The following NDUFS4 variants were observed in gnomAD, a reference collection of about 807,000 sequenced individuals.
NDUFS4 encodes the protein NADH:ubiquinone oxidoreductase subunit S4, also known as NADH dehydrogenase [ubiquinone] iron-sulfur protein 4, mitochondrial.
Under a neutral mutation model 24.3 loss-of-function variants are expected in NDUFS4, and 28 were observed. That is an observed-to-expected ratio of 1.15 (90% confidence interval 0.85 to 1.58). The LOEUF is 1.58. Ranked by LOEUF, NDUFS4 falls within the 40% of genes most tolerant of loss-of-function variation. The probability of loss-of-function intolerance (pLI) is 0.00; values close to 1 mark genes in which losing one functional copy is unlikely to be tolerated. For synonymous variants in NDUFS4, 93 were observed against 69.7 expected (o/e 1.34, Z -1.67); for missense variants, 223 against 207.9 (o/e 1.07, Z -0.45).
chr5:53,586,342 AAAAC>A (rs1293934746), intron 1 of NDUFS4, among the ~76,000 whole-genome samples: 6 of 151,804 alleles, frequency 4.0e-5, no homozygotes, highest in East Asian at 3.9e-4. Context: ...AAAAAAAAAA[AAAAC>A]AAACCAAAAC....
intron 1 of NDUFS4, among the ~76,000 whole-genome samples, chr5:53,596,773 A>G (rs1475658041): frequency 2.0e-5 from 3 of 152,212 alleles, no homozygotes; most frequent in Non-Finnish European, 2.9e-5. Flanking sequence ...TTAATTTGTA[A>G]TAAATTGACA....
At chr5:53,634,258 T>A (rs1394878759) in intron 2 of NDUFS4, among the ~76,000 whole-genome samples, 1 of 152,200 alleles carries the variant, frequency 6.6e-6, no homozygotes, top group Non-Finnish European at 1.5e-5. Context: ...TCATGAATAT[T>A]TCATTATTAA....
At chr5:53,665,826 C>T (rs1431051794) in intron 4 of NDUFS4, among the ~76,000 whole-genome samples, 2 of 152,214 alleles carry the variant, frequency 1.3e-5, no homozygotes, top group Admixed American at 6.5e-5. Context: ...GTGCTCCACC[C>T]ACTGTCCTGC....
chr5:53,665,996 A>G (rs188805994), intron 4 of NDUFS4, among the ~76,000 whole-genome samples: 1 of 152,228 alleles, frequency 6.6e-6, no homozygotes. Flanking sequence ...ACCTTTAAAA[A>G]CTTTTTAAAA....
chr5:53,674,403 G>A (rs1740389062), intron 4 of NDUFS4, among the ~76,000 whole-genome samples: 1 of 152,136 alleles, frequency 6.6e-6, no homozygotes, highest in South Asian at 2.1e-4. Context: ...ACAAGGGTGG[G>A]AGGAGGTCAG....
chr5:53,601,160 C>T (rs1024390736), intron 1 of NDUFS4, among the ~76,000 whole-genome samples: 1 of 151,976 alleles, frequency 6.6e-6, no homozygotes, highest in Non-Finnish European at 1.5e-5. Flanking sequence ...CCCGCTGCTA[C>T]GCCCGGCTAA....
intron 1 of NDUFS4, among the ~76,000 whole-genome samples, chr5:53,594,697 A>G (rs1750077480): frequency 6.6e-6 from 1 of 151,934 alleles, no homozygotes; most frequent in African/African-American, 2.4e-5. Flanking sequence ...TTTCCTTTAT[A>G]TGAATTTGTT....
intron 2 of NDUFS4, among the ~76,000 whole-genome samples, chr5:53,609,115 CTA>C (rs1194908196): frequency 6.6e-6 from 1 of 152,202 alleles, no homozygotes; most frequent in East Asian, 1.9e-4. Context: ...TTTTCATCTC[CTA>C]TGAGTCACAA....
chr5:53,604,636 G>C (rs1476221418), intron 2 of NDUFS4: 3 of 394,040 alleles, frequency 7.6e-6, no homozygotes, highest in African/African-American at 6.3e-5. Context: ...TCGTCCTTTG[G>C]TGCTTCCTGT....
Position 53,603,320 on chromosome 5 carries a change from C to T in NDUFS4, c.99-132C>T. 4.2e-6 allele frequency: 3 copies of T among 709,222 alleles called. 1 individual carries two copies. The highest frequency in any genetic ancestry group is 3.4e-5 in the South Asian group (2 of 58,350). 43.9% of individuals were successfully genotyped at this position (709,222 alleles called of 1,614,324 possible). A position where few individuals can be genotyped will look rare whatever the true frequency, so the allele number is the denominator to read the frequency against. ...AGAAAAAGGACTTTTGTGCCCTCTT[C>T]TCTTTCTTTCCTTTCCTTTTTTTTT... On this transcript the variant is annotated intron_variant, in intron 1 of 4. Transcript: ENST00000296684.
At chr5:53,644,736 G>T (rs1751807939) in intron 2 of NDUFS4, among the ~76,000 whole-genome samples, 1 of 152,068 alleles carries the variant, frequency 6.6e-6, no homozygotes, top group African/African-American at 2.4e-5. Context: ...GCACATATTA[G>T]AAGTGCATAT....
intron 2 of NDUFS4, among the ~76,000 whole-genome samples, chr5:53,629,190 T>C (rs1751323289): frequency 6.6e-6 from 1 of 152,238 alleles, no homozygotes; most frequent in African/African-American, 2.4e-5. Context: ...TTTGTAGTTT[T>C]GAGTGAGTTT....
chr5:53,646,768 TAGAG>T (rs899138079), intron 3 of NDUFS4, among the ~76,000 whole-genome samples: 12 of 152,278 alleles, frequency 7.9e-5, no homozygotes, highest in East Asian at 5.8e-4. Context: ...TATTTCGAGA[TAGAG>T]AGAGACTACC....
At chr5:53,633,400 C>A (rs1273924947) in intron 2 of NDUFS4, among the ~76,000 whole-genome samples, 1 of 152,076 alleles carries the variant, frequency 6.6e-6, no homozygotes, top group Non-Finnish European at 1.5e-5. Flanking sequence ...GACCATACAA[C>A]CTTATGTGAG....
At chr5:53,640,297 G>A (rs1348303150) in intron 2 of NDUFS4, among the ~76,000 whole-genome samples, 3 of 152,084 alleles carry the variant, frequency 2.0e-5, no homozygotes, top group Non-Finnish European at 4.4e-5. Context: ...GAGGAAAGGG[G>A]AGCAGAAGAA....
intron 4 of NDUFS4, among the ~76,000 whole-genome samples, chr5:53,682,746 A>T (rs1740708712): frequency 6.6e-6 from 1 of 152,046 alleles, no homozygotes; most frequent in African/African-American, 2.4e-5. Context: ...AATAATAGTG[A>T]GTTGGTTATA....
chr5:53,653,235 A>T (rs1752068865), intron 3 of NDUFS4, among the ~76,000 whole-genome samples: 2 of 152,170 alleles, frequency 1.3e-5, no homozygotes, highest in South Asian at 4.1e-4. Context: ...CATTGTGGAC[A>T]TAGAAGGTCA....
At chr5:53,579,381 A>G (rs781082316) in intron 1 of NDUFS4, among the ~76,000 whole-genome samples, 2 of 152,166 alleles carry the variant, frequency 1.3e-5, no homozygotes, top group Non-Finnish European at 2.9e-5. Flanking sequence ...CACACTAGAC[A>G]ATTACCAGTA....
chr5:53,682,630 A>G (rs1407710285), intron 4 of NDUFS4, among the ~76,000 whole-genome samples: 1 of 152,218 alleles, frequency 6.6e-6, no homozygotes, highest in South Asian at 2.1e-4. Flanking sequence ...CACTTCAACT[A>G]TAGTACACAC....
Sources: allele counts gnomAD v4.1 joint callset (sites outside exome capture counted in the v4.1 genomes callset), GRCh38; gene constraint gnomAD v4.1.1; transcripts MANE v1.5; gene names NCBI Gene and HGNC (gene_info 2026-07-23, HGNC 2026-07-21).